The following ZGPAT variants were observed in gnomAD, a reference collection of about 807,000 sequenced individuals.
ZGPAT encodes zinc finger CCCH-type and G-patch domain containing.
Under a neutral mutation model 47.9 loss-of-function variants are expected in ZGPAT, and 39 were observed. The ratio of observed to expected loss-of-function variants is 0.81; its 90% CI spans 0.63 to 1.06. The LOEUF is 1.06. ZGPAT is among the 50% of genes least tolerant of loss of function. The pLI is 0.00. For synonymous variants in ZGPAT, 348 were observed against 292.9 expected (o/e 1.19, Z -1.92); for missense variants, 717 against 681.4 (o/e 1.05, Z -0.58).
chr20:63,732,488 T>G (rs2091922525), intron 2 of ZGPAT, among the ~76,000 whole-genome samples: 1 of 149,366 alleles, frequency 6.7e-6, no homozygotes, highest in African/African-American at 2.5e-5. Context: ...TGAGGGCGTA[T>G]GTGTGTGGGT....
At chr20:63,709,326 T>C (rs1163184933) in intron 2 of ZGPAT, among the ~76,000 whole-genome samples, 162 bp downstream of exon 2, 1 of 152,156 alleles carries the variant, frequency 6.6e-6, no homozygotes, top group Non-Finnish European at 1.5e-5. Flanking sequence ...TACGTCTTCC[T>C]TCTGGGGTGA....
rs2145711306 is a variant in ZGPAT at position 63,736,080 on chromosome 20, C to T, written c.*161C>T. ...GGTCCCATCTGGACACTTACTTGCC[C>T]ACCTGCCAGTGTCTTGGGCATTTCC... On this transcript the variant is annotated 3_prime_UTR_variant, in exon 7 of 7. Coordinates refer to ENST00000355969, the MANE Select transcript of ZGPAT (RefSeq NM_181485.3). The T allele has an allele frequency of 2.7e-5, 27 of 992,968 alleles. No individual in the cohort carries two copies. Among genetic ancestry groups the T allele is most frequent in the Non-Finnish European group, 4.0e-5 (27 of 682,078 alleles). 61.5% of individuals were successfully genotyped at this position (992,968 alleles called of 1,614,324 possible).
chr20:63,726,459 T>C (rs1006188353), intron 2 of ZGPAT, among the ~76,000 whole-genome samples: 85 of 150,074 alleles, frequency 5.7e-4, no homozygotes, highest in African/African-American at 2.0e-3. Context: ...CCTAGGCCTC[T>C]CAAAGTGCTG....
chr20:63,734,439 G>A (rs2145704681), intron 4 of ZGPAT: 1 of 569,614 alleles, frequency 1.8e-6, no homozygotes, highest in Non-Finnish European at 3.0e-6. Context: ...TGCGGAGGAG[G>A]GGCCACGGTG....
At chr20:63,708,474 CGTGCCCGT>C in intron 1 of ZGPAT, 71 bp from the exon 2 acceptor site, 1 of 850,666 alleles carries the variant, frequency 1.2e-6, no homozygotes, top group South Asian at 1.7e-5. Context: ...GGAAAGGGGA[CGTGCCCGT>C]GCCCGTGCCC....
intron 2 of ZGPAT, among the ~76,000 whole-genome samples, chr20:63,732,801 T>G (rs1601347146): frequency 6.9e-6 from 1 of 144,542 alleles, no homozygotes; most frequent in Non-Finnish European, 1.5e-5. Context: ...TGAGTGCATG[T>G]TTATGCGTGT....
intron 2 of ZGPAT, among the ~76,000 whole-genome samples, chr20:63,728,795 G>A (rs1358178695): frequency 6.6e-6 from 1 of 152,150 alleles, no homozygotes; most frequent in African/African-American, 2.4e-5. Flanking sequence ...GCTGGTTTTT[G>A]CAGCCAGCCT....
chr20:63,721,649 C>A (rs538252171), intron 2 of ZGPAT, among the ~76,000 whole-genome samples: 1 of 152,308 alleles, frequency 6.6e-6, no homozygotes, highest in Non-Finnish European at 1.5e-5. Context: ...CCTCTTCCTT[C>A]CTAGGCTTTT....
intron 5 of ZGPAT, 103 bp from the exon 6 acceptor site, chr20:63,735,056 C>T (rs2091966545): frequency 1.4e-6 from 2 of 1,418,110 alleles, no homozygotes; most frequent in Non-Finnish European, 1.8e-6. Context: ...TCTCCGTGCT[C>T]CTCAGATTCC....
intron 1 of ZGPAT, 147 bp from the exon 2 acceptor site, chr20:63,708,405 GT>G: frequency 1.8e-6 from 1 of 555,642 alleles, no homozygotes; most frequent in East Asian, 3.2e-5. Flanking sequence ...CTGAGCGGGG[GT>G]ACCCGGGCTG....
chr20:63,730,956 CTCTCTCTCTCTCTCTGTGTGTGTG>C (rs1568797499), intron 2 of ZGPAT, among the ~76,000 whole-genome samples: 1 of 126,812 alleles, frequency 7.9e-6, no homozygotes, highest in African/African-American at 3.3e-5. Context: ...CTCTCTCTCT[CTCTCTCTCTCTCTCTGTGTGTGTG>C]TGTGTGTGTG....
Position 63,708,841 on chromosome 20 carries a change from T to C in ZGPAT, c.261T>C (p.Thr87=). The C allele has an allele frequency of 5.6e-6, 9 of 1,605,468 alleles. No homozygotes were observed. The highest frequency in any genetic ancestry group is 7.7e-6 in the Non-Finnish European group (9 of 1,175,186). The change falls in exon 2 of 7, where the codon ACT becomes ACC. Residue 87 remains threonine (T), a synonymous_variant. Coordinates refer to ENST00000355969, the MANE Select transcript of ZGPAT (RefSeq NM_181485.3). Reference sequence around the variant, plus strand: ...ACCAGGCTTTCCGGGAGGCCATCACTGAGGCGGTGGAGGCACCAGCAGCGG... The same window carrying C: ...ACCAGGCTTTCCGGGAGGCCATCACCGAGGCGGTGGAGGCACCAGCAGCGG... The part of the protein sequence containing the change: ...AEYQAFREAI[T]EAVEAPAAAR...
At chr20:63,732,724 ATATGTG>A (rs2091928780) in intron 2 of ZGPAT, among the ~76,000 whole-genome samples, 1 of 147,520 alleles carries the variant, frequency 6.8e-6, no homozygotes, top group African/African-American at 2.6e-5. Context: ...GTGTATGTGT[ATATGTG>A]TATGTCTGTA....
intron 2 of ZGPAT, among the ~76,000 whole-genome samples, chr20:63,732,704 A>G (rs919494164): frequency 1.3e-5 from 2 of 150,726 alleles, no homozygotes; most frequent in African/African-American, 4.9e-5. Flanking sequence ...ATGTGTATAC[A>G]TGTGTACTTG....
At chr20:63,733,122 C>T in intron 2 of ZGPAT, 97 bp from the exon 3 acceptor site, 1 of 1,523,174 alleles carries the variant, frequency 6.6e-7, no homozygotes, top group Non-Finnish European at 8.9e-7. Context: ...GTCTGTCTCC[C>T]TCAGGACAGT....
chr20:63,721,222 C>T lies in ZGPAT; in HGVS notation c.585-11997C>T, dbSNP rs576454020. Among the ~76,000 whole-genome samples the T allele has an allele frequency of 8.4e-4, 127 of 151,986 alleles. 1 individual carries two copies. Among genetic ancestry groups the T allele is most frequent in the Non-Finnish European group, 1.7e-3 (116 of 68,004 alleles). On this transcript the variant is annotated intron_variant, in intron 2 of 6. Transcript: ENST00000355969. ...CAAAAATTAACCGGGCATGGTGGCA[C>T]CTGCCTGTAGTCCCAGCTACTGGGA...
rs1255942236 is a variant in ZGPAT at position 63,734,780 on chromosome 20, T to C, written c.947T>C (p.Ile316Thr). 1 of 1,612,324 alleles carries C rather than the reference T, an allele frequency of 6.2e-7. No individual in the cohort carries two copies. The highest frequency in any genetic ancestry group is 8.5e-7 in the Non-Finnish European group (1 of 1,179,118). The change falls in exon 5 of 7, where the codon ATA becomes ACA. Residue 316 changes from isoleucine (I) to threonine (T), a missense_variant. Physicochemically the swap from Ile to Thr is moderately conservative, Grantham distance 89. Transcript: ENST00000355969. ...GGCTGGGAGGTGCACACGCGAGGTA[T>C]AGGCTCCAGACTCCTCACCAAGATG... Reference protein sequence around the residue: ...FAGWEVHTRGIGSRLLTKMGY... With the variant: ...FAGWEVHTRGTGSRLLTKMGY...
rs970190599 is a variant in ZGPAT, at chr20:63,714,129, A to C, written c.584+4965A>C. On this transcript the variant is annotated intron_variant, in intron 2 of 6. Coordinates refer to ENST00000355969, the MANE Select transcript of ZGPAT (RefSeq NM_181485.3). Reference sequence around the variant, plus strand: ...AGAACTTCAAGTACAATGTTGAATAAAAGTGACTAGAGCGGGCCGGGGGTG... The same window carrying C: ...AGAACTTCAAGTACAATGTTGAATACAAGTGACTAGAGCGGGCCGGGGGTG... Among the ~76,000 whole-genome samples, 4 of 152,052 alleles carry C rather than the reference A, an allele frequency of 2.6e-5. No individual in the cohort carries two copies. In the East Asian group the frequency reaches 7.7e-4, roughly 29 times the overall value.
Position 63,735,215 on chromosome 20 carries a change from C to T in ZGPAT, c.1048C>T (p.Arg350Ter), listed in dbSNP as rs747453837. ...GCCCATCCATGCTGTGGTGTTGCCT[C>T]GAGGGAAGTCGCTGGACCAGTGTGT... ...VEPIHAVVLP[R>*]GKSLDQCVET... The change falls in exon 6 of 7, where the codon CGA (arginine) becomes TGA (stop). Residue 350 changes from arginine (R) to a stop codon, truncating the protein, a stop_gained. Transcript: ENST00000355969. LOFTEE classifies it high-confidence loss of function. 3.1e-5 allele frequency: 49 copies of T among 1,565,412 alleles called. No individual in the cohort carries two copies. Among genetic ancestry groups the T allele is most frequent in the Non-Finnish European group, 4.0e-5 (46 of 1,155,762 alleles).
Sources: allele counts gnomAD v4.1 joint callset (sites outside exome capture counted in the v4.1 genomes callset), GRCh38; gene constraint gnomAD v4.1.1; transcripts MANE v1.5; gene names NCBI Gene and HGNC (gene_info 2026-07-23, HGNC 2026-07-21).